CEP164: variants seen among roughly 807,000 people sequenced by gnomAD.
The protein encoded by CEP164 is centrosomal protein 164, also known as centrosomal protein of 164 kDa.
CEP164 carries 162 observed loss-of-function variants against 182.7 expected under a neutral mutation model. The observed-to-expected ratio is 0.89, with a 90% CI of 0.78 to 1.01. The LOEUF (loss-of-function observed/expected upper bound fraction) is 1.01. Ranked by LOEUF, CEP164 falls within the 50% of genes least tolerant of loss-of-function variation. The probability of loss-of-function intolerance (pLI) is 0.00; values close to 1 mark genes in which losing one functional copy is unlikely to be tolerated. For synonymous variants in CEP164, 661 were observed against 690.0 expected, an observed-to-expected ratio of 0.96 and a Z score of 0.66; for missense variants, 1,735 against 1,790.4, an observed-to-expected ratio of 0.97 and a Z score of 0.56.
intron 15 of CEP164, among the ~76,000 whole-genome samples, chr11:117,389,178 A>C (rs2044305245): frequency 6.6e-6 from 1 of 152,174 alleles, no homozygotes; most frequent in African/African-American, 2.4e-5. Context: ...TTTTCAAAGG[A>C]ATTGTCTTCC....
In CEP164 at chr11:117,382,801, A is replaced by G; in HGVS notation, c.1583A>G (p.Gln528Arg). 6.2e-7 allele frequency: 1 copy of G among 1,614,016 alleles called. No homozygotes were observed. Among genetic ancestry groups the G allele is most frequent in the Non-Finnish European group, 8.5e-7 (1 of 1,179,952 alleles). ...GTTTCCTTACTGCTATCAAGGGAGC[A>G]GGCCCCAAGCCCACCTGCTGCCTGT... The part of the protein sequence containing the change: ...LSLQLSLQRE[Q>R]APSPPAACEK... The change falls in exon 14 of 33, where the codon CAG becomes CGG. Residue 528 changes from glutamine to arginine, a missense_variant. By Grantham distance (43) the Gln-to-Arg change is conservative. Transcript: ENST00000278935.
In CEP164 at chr11:117,412,219, A is replaced by G; in HGVS notation, c.*51A>G. The G allele has an allele frequency of 1.3e-6, 2 of 1,522,634 alleles. No individual in the cohort carries two copies. The highest frequency in any genetic ancestry group is 9.0e-7 in the Non-Finnish European group (1 of 1,111,266). The allele number at this position is 1,522,634 out of a possible 1,614,324, so 94.3% of individuals were successfully genotyped here. A position where few individuals can be genotyped will look rare whatever the true frequency, so the allele number is the denominator to read the frequency against. On this transcript the variant is annotated 3_prime_UTR_variant, in exon 33 of 33. Transcript: ENST00000278935. ...CCCAGCCTCTCCTCCACCCAGACCAAGTGCCTGAGGAGCTGCCTGCCTTCT... is the reference window on the plus strand; with the variant it reads ...CCCAGCCTCTCCTCCACCCAGACCAGGTGCCTGAGGAGCTGCCTGCCTTCT...
chr11:117,332,784 C>T (rs1188979944), intron 1 of CEP164, among the ~76,000 whole-genome samples: 1 of 152,042 alleles, frequency 6.6e-6, no homozygotes, highest in African/African-American at 2.4e-5. Flanking sequence ...GTTGGGTGAC[C>T]CCTCCTAACT....
At chr11:117,392,667 T>C (rs1189649283) in intron 19 of CEP164, 40 bp downstream of exon 19, 2 of 1,602,992 alleles carry the variant, frequency 1.2e-6, no homozygotes, top group African/African-American at 2.7e-5. Flanking sequence ...GTGCGCCTGT[T>C]GTGGACTCTC....
chr11:117,387,024 G>C, intron 14 of CEP164, 179 bp from the exon 15 acceptor site: 1 of 621,688 alleles, frequency 1.6e-6, no homozygotes, highest in African/African-American at 1.8e-5. Context: ...AATGGGGCTT[G>C]TCCTATGGAA....
chr11:117,408,384 G>A (rs2046954974), intron 28 of CEP164: 1 of 233,934 alleles, frequency 4.3e-6, no homozygotes, highest in African/African-American at 2.2e-5. Context: ...ACCTGCCTTG[G>A]GACCTTGTGG....
rs2044087590 is a variant in CEP164 at position 117,387,366 on chromosome 11, G to A, written c.1888G>A (p.Glu630Lys). 1 of 1,614,164 alleles carries A rather than the reference G, an allele frequency of 6.2e-7. No individual in the cohort carries two copies. Among genetic ancestry groups the A allele is most frequent in the Non-Finnish European group, 8.5e-7 (1 of 1,180,028 alleles). Residue 630 changes from glutamate (E) to lysine (K), a missense_variant, in exon 15 of 33, where the codon GAA (glutamate) becomes AAA (lysine). Coordinates refer to ENST00000278935, the MANE Select transcript of CEP164 (RefSeq NM_014956.5). ...GCGGGAGAAGCTGTGCCAAGAGGAG[G>A]AAGAGGAGATCCTCCGGCTTCACCA... ...QLREKLCQEE[E>K]EEILRLHQQK...
chr11:117,399,558 C>A (rs2045912688), intron 27 of CEP164, among the ~76,000 whole-genome samples: 1 of 152,246 alleles, frequency 6.6e-6, no homozygotes. Context: ...GGCATCACCA[C>A]ACTGTCTTCC....
rs750476624 is a variant in CEP164 at position 117,343,710 on chromosome 11, A to G, written c.83-456A>G. 1.1e-3 allele frequency among the ~76,000 whole-genome samples: 167 copies of G among 146,982 alleles called. 5 individuals are homozygous for G. Among genetic ancestry groups the G allele is most frequent in the Non-Finnish European group, 3.6e-4 (24 of 67,510 alleles). On this transcript the variant is annotated intron_variant, in intron 3 of 32. Coordinates refer to ENST00000278935, the MANE Select transcript of CEP164 (RefSeq NM_014956.5). ...CAGTGGCGTGATCTCGGCTCACTGC[A>G]ACCTCTTCCTCCCAGGTTCAAGCAG...
Position 117,354,947 on chromosome 11 carries a change from G to A in CEP164, c.393+2959G>A, listed in dbSNP as rs1486811421. ...ACCCATCTAGGAAACGCAGCCTGAGGAGGGACTTCTGCCTCCTTCATCCTT... is the reference window on the plus strand; with the variant it reads ...ACCCATCTAGGAAACGCAGCCTGAGAAGGGACTTCTGCCTCCTTCATCCTT... On this transcript the variant is annotated intron_variant, in intron 5 of 32. Transcript: ENST00000278935. 7 of 1,285,516 alleles carry A rather than the reference G, an allele frequency of 5.4e-6. No homozygotes were observed. The South Asian group carries it at 8.7e-5, about 16-fold the overall frequency. 79.6% of individuals were successfully genotyped at this position (1,285,516 alleles called of 1,614,324 possible).
intron 19 of CEP164, 80 bp from the exon 20 acceptor site, chr11:117,392,924 T>C (rs2044869163): frequency 6.3e-7 from 1 of 1,591,942 alleles, no homozygotes. Context: ...GAAATGTGTG[T>C]AAGACCTTCA....
chr11:117,329,488 C>G (rs973420484), intron 1 of CEP164, among the ~76,000 whole-genome samples: 2 of 152,180 alleles, frequency 1.3e-5, no homozygotes, highest in African/African-American at 2.4e-5. Flanking sequence ...GACATGGATA[C>G]TTACATATTC....
intron 12 of CEP164, among the ~76,000 whole-genome samples, chr11:117,381,153 G>A (rs1301976204): frequency 2.6e-5 from 4 of 152,204 alleles, no homozygotes; most frequent in Admixed American, 2.6e-4. Flanking sequence ...AGAAATGGCT[G>A]TAGCTATCTG....
intron 5 of CEP164, chr11:117,356,546 C>T (rs1466214992): frequency 7.8e-6 from 10 of 1,289,320 alleles, no homozygotes; most frequent in Non-Finnish European, 1.0e-5. Flanking sequence ...CACCCTCAGG[C>T]AGGGGCTAGT....
chr11:117,395,376 G>A (rs375878410), intron 23 of CEP164, among the ~76,000 whole-genome samples, 171 bp from the exon 24 acceptor site: 21 of 152,238 alleles, frequency 1.4e-4, no homozygotes, highest in African/African-American at 4.3e-4. Context: ...GAGTGGGACT[G>A]TGGTAGGACA....
chr11:117,408,657 C>G lies in CEP164; in HGVS notation c.3610-233C>G, dbSNP rs1161991265. 7.3e-6 allele frequency: 4 copies of G among 547,806 alleles called. No homozygotes were observed. The African/African-American group carries it at 7.6e-5, about 10-fold the overall frequency. 33.9% of individuals were successfully genotyped at this position (547,806 alleles called of 1,614,324 possible). On this transcript the variant is annotated intron_variant, in intron 28 of 32. Coordinates refer to ENST00000278935, the MANE Select transcript of CEP164 (RefSeq NM_014956.5). Reference sequence around the variant, plus strand: ...AGTCTACTCACCAAGTCCTCAGTTCCCACACATCACAAGGGCGACAGCCTA... The same window carrying G: ...AGTCTACTCACCAAGTCCTCAGTTCGCACACATCACAAGGGCGACAGCCTA...
chr11:117,363,756 A>G (rs1007100984), intron 8 of CEP164, among the ~76,000 whole-genome samples: 3 of 119,822 alleles, frequency 2.5e-5, no homozygotes, highest in Admixed American at 1.8e-4. Flanking sequence ...AAAACCTCCA[A>G]TGCTTTTTTT....
Position 117,410,135 on chromosome 11 carries a change from C to T in CEP164, c.4096+170C>T, listed in dbSNP as rs1422478930. On this transcript the variant is annotated intron_variant, in intron 30 of 32. Coordinates refer to ENST00000278935, the MANE Select transcript of CEP164 (RefSeq NM_014956.5). ...ATAGTCCATTGGTCCATTGACTCTA[C>T]CTGTGGGTCCCTGGGGAAGGAGACA... 3 of 740,880 alleles carry T rather than the reference C, an allele frequency of 4.0e-6. No homozygotes were observed. The South Asian group carries it at 4.5e-5, about 11-fold the overall frequency. 45.9% of individuals were successfully genotyped at this position (740,880 alleles called of 1,614,324 possible).
At position 117,355,393 on chromosome 11, in the gene CEP164, G is replaced by A. The variant is rs145183878; in HGVS notation, c.393+3405G>A. On this transcript the variant is annotated intron_variant, in intron 5 of 32. Transcript: ENST00000278935. ...GGCTTCTCCAAAATATGCAGGATGT[G>A]GTAGAAAGCAGGAACCAGGCCTCTG... 5.1e-3 allele frequency: 6,518 copies of A among 1,289,802 alleles called. 26 individuals carry two copies. The highest frequency in any genetic ancestry group is 6.1e-3 in the Non-Finnish European group (6,062 of 988,874). The allele number at this position is 1,289,802 out of a possible 1,614,324, so 79.9% of individuals were successfully genotyped here.
Sources: gnomAD v4.1 joint callset for allele counts (sites outside exome capture counted in the v4.1 genomes callset) on GRCh38, gnomAD v4.1.1 for gene constraint, MANE v1.5 for transcripts, NCBI Gene and HGNC (gene_info 2026-07-23, HGNC 2026-07-21) for gene names.